CLVS1: variants seen among roughly 807,000 people sequenced by gnomAD.
CLVS1 encodes the protein clavesin-1.
CLVS1 carries 10 observed loss-of-function variants against 33.1 expected under a neutral mutation model. The ratio of observed to expected loss-of-function variants is 0.30; its 90% CI spans 0.19 to 0.51. The LOEUF (loss-of-function observed/expected upper bound fraction) is 0.51. Among genes scored for constraint, CLVS1 ranks in the 20% least tolerant of loss-of-function variants. CLVS1 has a pLI of 0.97. For synonymous variants in CLVS1, 163 were observed against 166.1 expected (o/e 0.98, Z 0.14); for missense variants, 343 against 433.4 (o/e 0.79, Z 1.85).
the CLVS1 span, among the ~76,000 whole-genome samples, chr8:61,032,123 C>T: frequency 6.6e-6 from 1 of 152,222 alleles, no homozygotes; most frequent in Non-Finnish European, 1.5e-5. Flanking sequence ...GCGGGTAGAG[C>T]CTGGGCCTGG....
intron 3 of CLVS1, among the ~76,000 whole-genome samples, chr8:61,382,495 AT>A (rs1813920853): frequency 6.6e-6 from 1 of 152,102 alleles, no homozygotes; most frequent in South Asian, 2.1e-4. Flanking sequence ...AGAAATGCAG[AT>A]TTTCAGGCCC....
intron 2 of CLVS1, among the ~76,000 whole-genome samples, chr8:61,271,123 A>G (rs1809428390): frequency 7.1e-6 from 1 of 140,832 alleles, no homozygotes; most frequent in Admixed American, 7.1e-5. Flanking sequence ...TCAATTTTGG[A>G]TCTTTCCTGC....
chr8:61,434,302 A>G (rs1816231006), intron 3 of CLVS1, among the ~76,000 whole-genome samples: 1 of 152,088 alleles, frequency 6.6e-6, no homozygotes, highest in South Asian at 2.1e-4. Context: ...AGTTACATGT[A>G]AAGAAAAAGC....
At chr8:61,402,910 CA>C (rs1054093103) in intron 3 of CLVS1, among the ~76,000 whole-genome samples, 5 of 152,008 alleles carry the variant, frequency 3.3e-5, no homozygotes, top group African/African-American at 1.2e-4. Flanking sequence ...GAGAGGCAGA[CA>C]AAAAAACAAT....
chr8:61,452,350 C>T (rs1816994076), intron 3 of CLVS1, among the ~76,000 whole-genome samples: 1 of 152,132 alleles, frequency 6.6e-6, no homozygotes, highest in Admixed American at 6.5e-5. Flanking sequence ...CTTATTGGTC[C>T]CATTAAAAAG....
At chr8:61,149,570 AAAAAAC>A (rs1806486611) in intron 2 of CLVS1, among the ~76,000 whole-genome samples, 2 of 146,882 alleles carry the variant, frequency 1.4e-5, no homozygotes, top group African/African-American at 2.5e-5. Context: ...AAAAAAAAAC[AAAAAAC>A]AAAACAAAAA....
chr8:61,038,459 CAT>C, the CLVS1 span, among the ~76,000 whole-genome samples: 16,075 of 143,598 alleles, frequency 0.11, 1,024 homozygotes, highest in African/African-American at 0.19. Flanking sequence ...ATATATATGA[CAT>C]ATATATATAT....
intron 2 of CLVS1, among the ~76,000 whole-genome samples, chr8:61,277,451 T>C (rs1809580948): frequency 6.6e-6 from 1 of 152,212 alleles, no homozygotes; most frequent in East Asian, 1.9e-4. Context: ...CGCACACAGA[T>C]CTGAAGCCCC....
chr8:61,418,553 A>G (rs138794900), intron 3 of CLVS1, among the ~76,000 whole-genome samples: 1,867 of 152,312 alleles, frequency 0.012, 38 homozygotes, highest in African/African-American at 0.043. Context: ...TCATACAAAC[A>G]TAGATAAATA....
chr8:61,227,687 C>A (rs1373976993), intron 2 of CLVS1, among the ~76,000 whole-genome samples: 3 of 152,174 alleles, frequency 2.0e-5, no homozygotes, highest in Non-Finnish European at 4.4e-5. Context: ...TCATCTCGCT[C>A]TCTGTCAAAG....
the CLVS1 span, among the ~76,000 whole-genome samples, chr8:61,043,778 G>A: frequency 6.6e-6 from 1 of 152,162 alleles, no homozygotes; most frequent in East Asian, 1.9e-4. Flanking sequence ...AGATGCCTTA[G>A]TAAGATAAAT....
chr8:61,070,332 C>CT (rs1804770088), intron 1 of CLVS1, among the ~76,000 whole-genome samples: 1 of 152,214 alleles, frequency 6.6e-6, no homozygotes, highest in Admixed American at 6.5e-5. Flanking sequence ...TTGAGGCTTG[C>CT]TTGCTGGGCT....
intron 1 of CLVS1, among the ~76,000 whole-genome samples, chr8:61,075,864 C>A (rs914724285): frequency 6.6e-6 from 1 of 152,214 alleles, no homozygotes; most frequent in African/African-American, 2.4e-5. Context: ...CTCCTTCCTT[C>A]TTCCCTTACA....
At chr8:61,045,867 T>C in the CLVS1 span, among the ~76,000 whole-genome samples, 1 of 152,210 alleles carries the variant, frequency 6.6e-6, no homozygotes, top group African/African-American at 2.4e-5. Flanking sequence ...TAGAGAAATG[T>C]ACTATAGATT....
At chr8:61,227,386 T>C (rs571037177) in intron 2 of CLVS1, among the ~76,000 whole-genome samples, 29 of 152,154 alleles carry the variant, frequency 1.9e-4, no homozygotes, top group African/African-American at 6.7e-4. Context: ...TATAATCACA[T>C]TTCCAGCAGT....
chr8:61,475,762 T>C (rs1253539841), intron 5 of CLVS1, among the ~76,000 whole-genome samples: 2 of 152,254 alleles, frequency 1.3e-5, no homozygotes, highest in Non-Finnish European at 2.9e-5. Context: ...TTCACTCTGA[T>C]GGTAGTTTCT....
the CLVS1 span, among the ~76,000 whole-genome samples, chr8:61,040,221 C>T: frequency 1.1e-4 from 16 of 151,480 alleles, no homozygotes; most frequent in East Asian, 2.3e-3. Context: ...ATATGTACCA[C>T]GTTTTCTTTA....
At chr8:61,038,014 T>A in the CLVS1 span, among the ~76,000 whole-genome samples, 1 of 152,032 alleles carries the variant, frequency 6.6e-6, no homozygotes, top group Admixed American at 6.6e-5. Flanking sequence ...GGTAAGAACT[T>A]TCTGGGTGAG....
chr8:61,499,206 TA>T (rs1804438881), intron 5 of CLVS1, among the ~76,000 whole-genome samples: 1 of 152,154 alleles, frequency 6.6e-6, no homozygotes, highest in Non-Finnish European at 1.5e-5. Flanking sequence ...AGACAGGGTC[TA>T]CCTCTGTCAC....
Sources: allele counts gnomAD v4.1 joint callset (sites outside exome capture counted in the v4.1 genomes callset), GRCh38; gene constraint gnomAD v4.1.1; transcripts MANE v1.5; gene names NCBI Gene and HGNC (gene_info 2026-07-23, HGNC 2026-07-21).